SDCCAG8: variants seen among roughly 807,000 people sequenced by gnomAD.
SDCCAG8 encodes the protein serologically defined colon cancer antigen 8.
SDCCAG8 carries 74 observed loss-of-function variants against 101.8 expected under a neutral mutation model. The observed-to-expected ratio is 0.73, with a 90% CI of 0.60 to 0.88. The LOEUF is 0.88. SDCCAG8 is among the 40% of genes least tolerant of loss of function. The pLI is 0.00. For missense variants in SDCCAG8, 787 were observed against 822.6 expected, an observed-to-expected ratio of 0.96 and a Z score of 0.53; for synonymous variants, 281 against 292.9, an observed-to-expected ratio of 0.96 and a Z score of 0.41.
chr1:243,308,367 C>T (rs150686872), intron 8 of SDCCAG8, among the ~76,000 whole-genome samples, 190 bp downstream of exon 8: 1 of 152,308 alleles, frequency 6.6e-6, no homozygotes, highest in East Asian at 1.9e-4. Context: ...GCCATGTCAC[C>T]ATGTCACTTT....
chr1:243,343,236 A>G (rs1047714457), intron 11 of SDCCAG8, among the ~76,000 whole-genome samples: 2 of 152,242 alleles, frequency 1.3e-5, no homozygotes, highest in Non-Finnish European at 2.9e-5. Context: ...CAAATACTTG[A>G]AAAGTTCCAA....
chr1:243,274,111 A>G (rs2068318036), intron 3 of SDCCAG8, among the ~76,000 whole-genome samples: 9 of 152,182 alleles, frequency 5.9e-5, no homozygotes, highest in Admixed American at 5.9e-4. Context: ...CACTCTGGTG[A>G]GGGCCTCAGG....
intron 16 of SDCCAG8, among the ~76,000 whole-genome samples, chr1:243,481,807 C>T (rs1663809565): frequency 1.3e-5 from 2 of 152,158 alleles, no homozygotes; most frequent in South Asian, 4.1e-4. Context: ...AACAAAACCC[C>T]AAAACAACAA....
intron 8 of SDCCAG8, among the ~76,000 whole-genome samples, chr1:243,313,169 A>G (rs1573204151): frequency 6.6e-6 from 1 of 152,360 alleles, no homozygotes; most frequent in African/African-American, 2.4e-5. Flanking sequence ...TTAAAAGACT[A>G]CAGCAGGAAC....
At chr1:243,324,364 TTCTC>T (rs1346822655) in intron 9 of SDCCAG8, among the ~76,000 whole-genome samples, 3 of 152,154 alleles carry the variant, frequency 2.0e-5, no homozygotes, top group Middle Eastern at 3.4e-3. Context: ...CCCAAGGTCT[TTCTC>T]TCTCTCTTCA....
intron 1 of SDCCAG8, among the ~76,000 whole-genome samples, chr1:243,263,759 T>A (rs895383702): frequency 6.6e-6 from 1 of 152,242 alleles, no homozygotes. Flanking sequence ...GTATTTTCTT[T>A]GAGATTCAAA....
chr1:243,375,782 G>T (rs1285501900), intron 12 of SDCCAG8, among the ~76,000 whole-genome samples: 2 of 152,150 alleles, frequency 1.3e-5, no homozygotes, highest in East Asian at 1.9e-4. Flanking sequence ...ACCTAGTTGG[G>T]TGAGGCAAAG....
chr1:243,319,430 A>G lies in SDCCAG8; in HGVS notation c.1068+2537A>G, dbSNP rs751964909. Among the ~76,000 whole-genome samples, 94 of 152,002 alleles carry G rather than the reference A, an allele frequency of 6.2e-4. 1 individual carries two copies. The highest frequency in any genetic ancestry group is 3.3e-4 in the Admixed American group (5 of 15,266). On this transcript the variant is annotated intron_variant, in intron 9 of 17. Coordinates refer to ENST00000366541, the MANE Select transcript of SDCCAG8 (RefSeq NM_006642.5). ...TTCTTGTTGCCCAGGCTGGAGTGCAATGGCGCAATCTCAGCTCACTGTAAC... is the reference window on the plus strand; with the variant it reads ...TTCTTGTTGCCCAGGCTGGAGTGCAGTGGCGCAATCTCAGCTCACTGTAAC...
At chr1:243,342,266 AC>A (rs1315738968) in intron 11 of SDCCAG8, among the ~76,000 whole-genome samples, 1 of 152,228 alleles carries the variant, frequency 6.6e-6, no homozygotes, top group Non-Finnish European at 1.5e-5. Context: ...TGAAATCAGT[AC>A]AGCAGAGAGA....
chr1:243,332,105 A>T (rs2074645170), intron 10 of SDCCAG8, among the ~76,000 whole-genome samples: 1 of 151,612 alleles, frequency 6.6e-6, no homozygotes, highest in Non-Finnish European at 1.5e-5. Flanking sequence ...CAGGAATATA[A>T]CACACCCAAG....
chr1:243,451,403 C>G (rs12127073), intron 16 of SDCCAG8, among the ~76,000 whole-genome samples: 18,927 of 152,252 alleles, frequency 0.12, 1,207 homozygotes, highest in African/African-American at 0.15. Context: ...GCATTCCCAA[C>G]TTGGAACTTT....
intron 8 of SDCCAG8, among the ~76,000 whole-genome samples, chr1:243,312,718 A>AT (rs1464896026): frequency 6.6e-6 from 1 of 151,794 alleles, no homozygotes; most frequent in African/African-American, 2.4e-5. Context: ...AAAAAAAAAA[A>AT]AAAAAAATAA....
At chr1:243,495,587 C>T (rs1003604103) in intron 17 of SDCCAG8, among the ~76,000 whole-genome samples, 5 of 152,198 alleles carry the variant, frequency 3.3e-5, no homozygotes, top group Admixed American at 6.5e-5. Context: ...CCGGAGGGGA[C>T]GAGGCCCCTC....
intron 17 of SDCCAG8, among the ~76,000 whole-genome samples, chr1:243,497,226 A>G (rs1053369059): frequency 6.6e-6 from 1 of 151,986 alleles, no homozygotes; most frequent in Non-Finnish European, 1.5e-5. Context: ...GTGTGTTACC[A>G]AAGAGTCAGC....
intron 17 of SDCCAG8, 113 bp from the exon 18 acceptor site, chr1:243,499,640 GTTT>G (rs5782265): frequency 2.4e-6 from 2 of 846,842 alleles, no homozygotes; most frequent in Non-Finnish European, 4.0e-6. Flanking sequence ...TTAGCAACAG[GTTT>G]TTTTCTCCAA....
chr1:243,472,376 T>C (rs954336249), intron 16 of SDCCAG8, among the ~76,000 whole-genome samples: 10 of 152,162 alleles, frequency 6.6e-5, no homozygotes, highest in Non-Finnish European at 1.5e-4. Flanking sequence ...CTGGTGGGCA[T>C]TTTTGTTTGT....
intron 1 of SDCCAG8, among the ~76,000 whole-genome samples, chr1:243,262,862 C>T (rs901936227): frequency 5.9e-5 from 9 of 152,132 alleles, no homozygotes; most frequent in Middle Eastern, 3.2e-3. Flanking sequence ...CTGATGATGG[C>T]GGAACTTCAT....
chr1:243,377,152 G>C (rs940865366), intron 12 of SDCCAG8, among the ~76,000 whole-genome samples: 2 of 152,022 alleles, frequency 1.3e-5, no homozygotes, highest in African/African-American at 4.8e-5. Flanking sequence ...ACTGAGTTTA[G>C]AGATGGGAAC....
chr1:243,316,847 A>C lies in SDCCAG8; in HGVS notation c.1022A>C (p.Lys341Thr), dbSNP rs145984257. Residue 341 changes from lysine to threonine, a missense_variant, in exon 9 of 18, where the codon AAA becomes ACA. Coordinates refer to ENST00000366541, the MANE Select transcript of SDCCAG8 (RefSeq NM_006642.5). ...QREASAYEQVKQVLQISEEAN... is the reference protein window; with the variant it reads ...QREASAYEQVTQVLQISEEAN... ...GAAGCAAGTGCTTATGAACAGGTGA[A>C]ACAAGTTTTGCAAATATCTGAGGAA... 1.2e-5 allele frequency: 19 copies of C among 1,614,262 alleles called. No homozygotes were observed. In the African/African-American group the frequency reaches 2.4e-4, roughly 20 times the overall value.
Sources: allele counts gnomAD v4.1 joint callset (sites outside exome capture counted in the v4.1 genomes callset), GRCh38; gene constraint gnomAD v4.1.1; transcripts MANE v1.5; gene names NCBI Gene and HGNC (gene_info 2026-07-23, HGNC 2026-07-21).